Variants in GNA14 observed in about 807,000 individuals in gnomAD.
The protein encoded by GNA14 is G protein subunit alpha 14, also known as guanine nucleotide-binding protein subunit alpha-14.
In GNA14, 50 loss-of-function variants were observed where a neutral mutation model predicts 42.0. The observed-to-expected ratio is 1.19, with a 90% CI of 0.95 to 1.51. GNA14 has a LOEUF of 1.51. Among genes scored for constraint, GNA14 ranks in the 40% most tolerant of loss-of-function variants. The pLI is 0.00. For synonymous variants in GNA14, 173 were observed against 163.1 expected, an observed-to-expected ratio of 1.06 and a Z score of -0.46; for missense variants, 473 against 446.2, an observed-to-expected ratio of 1.06 and a Z score of -0.54.
chr9:77,634,362 T>C (rs781499976), intron 1 of GNA14, among the ~76,000 whole-genome samples: 5 of 146,256 alleles, frequency 3.4e-5, no homozygotes, highest in Admixed American at 7.0e-5. Flanking sequence ...AGACAGAAGT[T>C]GATCACACCA....
chr9:77,548,721 C>T (rs1369160887), intron 1 of GNA14, among the ~76,000 whole-genome samples: 7 of 152,172 alleles, frequency 4.6e-5, no homozygotes, highest in Non-Finnish European at 8.8e-5. Context: ...TTTCCCCTCA[C>T]ATTATTTTCT....
chr9:77,612,032 A>G (rs1258894700), intron 1 of GNA14, among the ~76,000 whole-genome samples: 2 of 152,186 alleles, frequency 1.3e-5, no homozygotes, highest in African/African-American at 4.8e-5. Flanking sequence ...TGTCACTAAT[A>G]ATAACAATAT....
Position 77,531,500 on chromosome 9 carries a change from T to C in GNA14, c.125-2247A>G, listed in dbSNP as rs114422894. Among the ~76,000 whole-genome samples the C allele has an allele frequency of 6.2e-3, 941 of 152,322 alleles. 7 individuals are homozygous for C. Among genetic ancestry groups the C allele is most frequent in the African/African-American group, 0.021 (882 of 41,574 alleles). On this transcript the variant is annotated intron_variant, in intron 1 of 6. Coordinates refer to ENST00000341700, the MANE Select transcript of GNA14 (RefSeq NM_004297.4). Reference sequence around the variant, plus strand: ...CCTGCAGCATCTTGGAGTCCCTGCATGTGACTATGATACTGCCACGTCGGT... The same window carrying C: ...CCTGCAGCATCTTGGAGTCCCTGCACGTGACTATGATACTGCCACGTCGGT...
chr9:77,633,099 A>T (rs541682441), intron 1 of GNA14, among the ~76,000 whole-genome samples: 2 of 152,164 alleles, frequency 1.3e-5, no homozygotes, highest in Admixed American at 6.5e-5. Context: ...TAGTCTCTAC[A>T]CTCATAAAAT....
chr9:77,628,701 C>A (rs2790813), intron 1 of GNA14, among the ~76,000 whole-genome samples: 1 of 152,112 alleles, frequency 6.6e-6, no homozygotes, highest in Non-Finnish European at 1.5e-5. Flanking sequence ...AAAACTGAAA[C>A]TGGACCCCTT....
At chr9:77,494,781 GTTTTGTTTTGTTTTGT>G in intron 2 of GNA14, among the ~76,000 whole-genome samples, 1 of 34,806 alleles carries the variant, frequency 2.9e-5, no homozygotes, top group Non-Finnish European at 5.6e-5. Flanking sequence ...TTTTTGTTTT[GTTTTGTTTTGTTTTGT>G]TTTGTTTTGT....
intron 2 of GNA14, among the ~76,000 whole-genome samples, chr9:77,480,641 A>T (rs1235383057): frequency 6.6e-6 from 1 of 152,198 alleles, no homozygotes; most frequent in African/African-American, 2.4e-5. Flanking sequence ...TCCTCCTTGT[A>T]CATCTGGTAG....
At chr9:77,567,695 C>T (rs775845300) in intron 1 of GNA14, among the ~76,000 whole-genome samples, 43 of 151,834 alleles carry the variant, frequency 2.8e-4, no homozygotes, top group Admixed American at 7.9e-4. Context: ...GGCAAAACCC[C>T]GTCTCTACTA....
intron 1 of GNA14, among the ~76,000 whole-genome samples, chr9:77,623,266 A>C (rs1180329540): frequency 6.7e-6 from 1 of 148,562 alleles, no homozygotes; most frequent in African/African-American, 2.5e-5. Flanking sequence ...AAAGAAAAAG[A>C]AAAAAAAATT....
intron 2 of GNA14, among the ~76,000 whole-genome samples, chr9:77,521,566 C>G (rs1037461070): frequency 6.6e-6 from 1 of 152,110 alleles, no homozygotes; most frequent in South Asian, 2.1e-4. Context: ...CTTCCACTTT[C>G]TGAGAATGGA....
rs548545064 is a variant in GNA14 at position 77,451,227 on chromosome 9, TCA to T, written c.310-16707_310-16706del. 2.6e-5 allele frequency among the ~76,000 whole-genome samples: 4 copies of T among 152,236 alleles called. No individual in the cohort carries two copies. The East Asian group carries it at 7.7e-4, about 29-fold the overall frequency. ...GATGAATTTATCTGACCCTAAGCCC[TCA>T]GTTTCCTCATTGGTAAAATGAGGAG... On this transcript the variant is annotated intron_variant, in intron 2 of 6. Transcript: ENST00000341700.
At chr9:77,631,465 T>C (rs1824098635) in intron 1 of GNA14, among the ~76,000 whole-genome samples, 1 of 51,864 alleles carries the variant, frequency 1.9e-5, no homozygotes, top group South Asian at 7.2e-4. Context: ...CCACTTTTTA[T>C]GTAAAAAAAA....
intron 2 of GNA14, among the ~76,000 whole-genome samples, chr9:77,483,407 C>T (rs1020492784): frequency 3.9e-5 from 6 of 152,172 alleles, no homozygotes; most frequent in Admixed American, 3.3e-4. Context: ...CCTGCAAATG[C>T]TGCTGCCTGA....
At chr9:77,631,601 A>G (rs1273312682) in intron 1 of GNA14, among the ~76,000 whole-genome samples, 1 of 152,208 alleles carries the variant, frequency 6.6e-6, no homozygotes, top group Non-Finnish European at 1.5e-5. Context: ...ATTGGCCCAC[A>G]GTACAATGTC....
chr9:77,646,998 C>A (rs1196116279), intron 1 of GNA14, among the ~76,000 whole-genome samples: 9 of 152,160 alleles, frequency 5.9e-5, no homozygotes. Context: ...AGGTTTGGGT[C>A]CGCTGCAAAC....
intron 1 of GNA14, among the ~76,000 whole-genome samples, chr9:77,549,685 T>C (rs10869944): frequency 0.43 from 65,655 of 152,026 alleles, 16,305 homozygotes; most frequent in Admixed American, 0.55. Context: ...TGTCCTACAA[T>C]GGCTCTCCTA....
chr9:77,625,827 C>A (rs1164027928), intron 1 of GNA14, among the ~76,000 whole-genome samples: 1 of 152,134 alleles, frequency 6.6e-6, no homozygotes, highest in Non-Finnish European at 1.5e-5. Context: ...ACTGAATCAA[C>A]TAATGTGCAA....
chr9:77,647,937 G>C lies in GNA14; in HGVS notation c.-144C>G. Reference sequence around the variant, plus strand: ...GCCGACTTGAGCTTTGGAGTAAGACGCCTGGACCTCCGAGGCTCAATCCCC... The same window carrying C: ...GCCGACTTGAGCTTTGGAGTAAGACCCCTGGACCTCCGAGGCTCAATCCCC... On this transcript the variant is annotated 5_prime_UTR_variant, in exon 1 of 7. Transcript: ENST00000341700. 1.1e-6 allele frequency: 1 copy of C among 914,732 alleles called. No individual in the cohort carries two copies. Among genetic ancestry groups the C allele is most frequent in the South Asian group, 1.6e-5 (1 of 62,092 alleles). The allele number at this position is 914,732 out of a possible 1,614,324, so 56.7% of individuals were successfully genotyped here.
intron 2 of GNA14, among the ~76,000 whole-genome samples, chr9:77,480,477 A>C (rs1300428659): frequency 6.6e-6 from 1 of 152,180 alleles, no homozygotes; most frequent in Admixed American, 6.5e-5. Context: ...GGATTTTTGC[A>C]TCAATGTTCA....
Sources: gnomAD v4.1 joint callset for allele counts (sites outside exome capture counted in the v4.1 genomes callset) on GRCh38, gnomAD v4.1.1 for gene constraint, MANE v1.5 for transcripts, NCBI Gene and HGNC (gene_info 2026-07-23, HGNC 2026-07-21) for gene names.